The following SP1 variants were observed in gnomAD, a reference collection of about 807,000 sequenced individuals.
The protein encoded by SP1 is transcription factor Sp1.
SP1 carries 6 observed loss-of-function variants against 66.3 expected under a neutral mutation model. The ratio of observed to expected loss-of-function variants is 0.09; its 90% confidence interval spans 0.05 to 0.18. The LOEUF is 0.18. SP1 is among the 10% of genes least tolerant of loss of function. SP1 has a pLI of 1.00. For missense variants in SP1, 848 were observed against 964.5 expected (o/e 0.88, Z 1.60); for synonymous variants, 417 against 360.8 (o/e 1.16, Z -1.77).
rs1269454460 is a variant in SP1, at chr12:53,413,960, G to A, written c.*2720G>A. The A allele has an allele frequency of 6.6e-6, 1 of 152,112 alleles. No individual in the cohort carries two copies. The highest frequency in any genetic ancestry group is 2.4e-5 in the African/African-American group (1 of 41,410). The allele number at this position is 152,112 out of a possible 1,614,324, so 9.4% of individuals were successfully genotyped here. A position where few individuals can be genotyped will look rare whatever the true frequency, so the allele number is the denominator to read the frequency against. ...GCCCTGTTCTCTTCACACCAAGGAAGCTCCAGATCCAGTATCTTGTTTGGC... is the reference window on the plus strand; with the variant it reads ...GCCCTGTTCTCTTCACACCAAGGAAACTCCAGATCCAGTATCTTGTTTGGC... On this transcript the variant is annotated 3_prime_UTR_variant, in exon 6 of 6. Coordinates refer to ENST00000327443, the MANE Select transcript of SP1 (RefSeq NM_138473.3).
At chr12:53,384,094 C>A (rs546466060) in intron 3 of SP1, among the ~76,000 whole-genome samples, 3 of 149,348 alleles carry the variant, frequency 2.0e-5, no homozygotes, top group Non-Finnish European at 4.5e-5. Context: ...CTCAGCCTCC[C>A]GAGTGGCTGG....
At chr12:53,402,091 TA>T (rs1450558655) in intron 3 of SP1, among the ~76,000 whole-genome samples, 2 of 152,180 alleles carry the variant, frequency 1.3e-5, no homozygotes, top group Non-Finnish European at 2.9e-5. Flanking sequence ...GACTCATATC[TA>T]AGTTTCTCCT....
intron 3 of SP1, among the ~76,000 whole-genome samples, chr12:53,398,051 T>TA (rs1938529062): frequency 6.6e-6 from 1 of 152,206 alleles, no homozygotes; most frequent in Admixed American, 6.6e-5. Flanking sequence ...AGTAGAAAAT[T>TA]AAACTATTTT....
rs201687758 is a variant in SP1 at position 53,382,985 on chromosome 12, A to T, written c.1038A>T (p.Ser346=). ...MGIMNFTTSG[S]SGTNSQGQTP... is the part of the protein sequence containing the mutation. ...TTATGAACTTTACTACCAGTGGATC[A>T]TCAGGGACCAACTCTCAAGGCCAGA... Residue 346 remains serine (S), a synonymous_variant, in exon 3 of 6, where the codon TCA becomes TCT. Coordinates refer to ENST00000327443, the MANE Select transcript of SP1 (RefSeq NM_138473.3). 161 of 1,614,098 alleles carry T rather than the reference A, an allele frequency of 1.0e-4. No individual in the cohort carries two copies. The highest frequency in any genetic ancestry group is 6.6e-5 in the South Asian group (6 of 91,090).
At position 53,415,852 on chromosome 12, in the gene SP1, A is replaced by G. The variant is rs1400642351; in HGVS notation, c.*4612A>G. ...ACATTGTGGACAAGGGCAGGTCTTC[A>G]TATTTTTGATCATCCCTTTCTCCCA... On this transcript the variant is annotated 3_prime_UTR_variant, in exon 6 of 6. Coordinates refer to ENST00000327443, the MANE Select transcript of SP1 (RefSeq NM_138473.3). 7 of 152,508 alleles carry G rather than the reference A, an allele frequency of 4.6e-5. No homozygotes were observed. Among genetic ancestry groups the G allele is most frequent in the Non-Finnish European group, 7.4e-5 (5 of 68,026 alleles). 9.4% of individuals were successfully genotyped at this position (152,508 alleles called of 1,614,324 possible).
In SP1 at chr12:53,413,078, A is replaced by G. The variant is rs1938928649; in HGVS notation, c.*1838A>G. On this transcript the variant is annotated 3_prime_UTR_variant, in exon 6 of 6. Coordinates refer to ENST00000327443, the MANE Select transcript of SP1 (RefSeq NM_138473.3). ...CAAGTGTTTTTGTATGTGTGGGTGAATGTGTGTTCATGCCCGTATATGTCT... is the reference window on the plus strand; with the variant it reads ...CAAGTGTTTTTGTATGTGTGGGTGAGTGTGTGTTCATGCCCGTATATGTCT... 6.6e-6 allele frequency: 1 copy of G among 152,538 alleles called. No homozygotes were observed. The highest frequency in any genetic ancestry group is 6.6e-5 in the Admixed American group (1 of 15,254). 9.4% of individuals were successfully genotyped at this position (152,538 alleles called of 1,614,324 possible).
rs544779733 is a variant in SP1 at position 53,412,173 on chromosome 12, C to G, written c.*933C>G. The G allele has an allele frequency of 1.3e-5, 2 of 152,416 alleles. No individual in the cohort carries two copies. Among genetic ancestry groups the G allele is most frequent in the African/African-American group, 2.4e-5 (1 of 41,556 alleles). 9.4% of individuals were successfully genotyped at this position (152,416 alleles called of 1,614,324 possible). A position where few individuals can be genotyped will look rare whatever the true frequency, so the allele number is the denominator to read the frequency against. Reference sequence around the variant, plus strand: ...TGGCGCTGGAGAGTCAAAGGCATCTCCCTTCATTAGCTGCTCTGAGCATCA... The same window carrying G: ...TGGCGCTGGAGAGTCAAAGGCATCTGCCTTCATTAGCTGCTCTGAGCATCA... On this transcript the variant is annotated 3_prime_UTR_variant, in exon 6 of 6. Coordinates refer to ENST00000327443, the MANE Select transcript of SP1 (RefSeq NM_138473.3).
chr12:53,381,202 C>T (rs1050678730), intron 1 of SP1: 1 of 152,942 alleles, frequency 6.5e-6, no homozygotes, highest in Non-Finnish European at 1.5e-5. Context: ...ATCTGCCTGC[C>T]TCCGCCTCCC....
At chr12:53,381,383 C>T (rs983525196) in intron 1 of SP1, 5 of 270,308 alleles carry the variant, frequency 1.8e-5, no homozygotes, top group African/African-American at 4.4e-5. Flanking sequence ...CCATGCCTAC[C>T]GTCCTTCACA....
intron 3 of SP1, among the ~76,000 whole-genome samples, chr12:53,392,676 G>A (rs1251305473): frequency 2.0e-5 from 3 of 150,734 alleles, no homozygotes; most frequent in East Asian, 2.0e-4. Context: ...TGTATATTTA[G>A]TAGAGATGGG....
chr12:53,394,086 A>G (rs1265444037), intron 3 of SP1, among the ~76,000 whole-genome samples: 10 of 151,924 alleles, frequency 6.6e-5, no homozygotes, highest in Admixed American at 6.6e-4. Context: ...GTGGTGATGC[A>G]TGCCTGTAAT....
intron 3 of SP1, among the ~76,000 whole-genome samples, chr12:53,390,436 A>T (rs936246202): frequency 6.6e-6 from 1 of 152,168 alleles, no homozygotes; most frequent in South Asian, 2.1e-4. Context: ...TAATCCCAGC[A>T]CTTTGGGAGG....
chr12:53,397,384 T>G (rs1212835133), intron 3 of SP1, among the ~76,000 whole-genome samples: 2 of 151,848 alleles, frequency 1.3e-5, no homozygotes, highest in Non-Finnish European at 2.9e-5. Flanking sequence ...CATCTCATCC[T>G]CCGCTCAAAA....
In SP1 at chr12:53,394,607, C is replaced by CTTT. The variant is rs71443299; in HGVS notation, c.1675+11008_1675+11010dup. On this transcript the variant is annotated intron_variant, in intron 3 of 5. Coordinates refer to ENST00000327443, the MANE Select transcript of SP1 (RefSeq NM_138473.3). Reference sequence around the variant, plus strand: ...TCTTTTTTTTTTTTGGAGATAAGGTCTTTTTTTTTTTTTTTTTTTTTTTTT... The same window carrying CTTT: ...TCTTTTTTTTTTTTGGAGATAAGGTCTTTTTTTTTTTTTTTTTTTTTTTTTTTT... 3.1e-3 allele frequency among the ~76,000 whole-genome samples: 180 copies of CTTT among 58,166 alleles called. 5 individuals carry two copies. The highest frequency in any genetic ancestry group is 6.6e-3 in the African/African-American group (82 of 12,468). The allele number at this position is 58,166 out of a possible 152,430, so 38.2% of individuals were successfully genotyped here. A position where few individuals can be genotyped will look rare whatever the true frequency, so the allele number is the denominator to read the frequency against.
chr12:53,382,373 C>G lies in SP1; in HGVS notation c.426C>G (p.Val142=), dbSNP rs1938123607. ...GTGAGTCTTCCAAGAATCGCACAGTCTCTGGTGGGCAGTATGTTGTGGCTG... is the reference window on the plus strand; with the variant it reads ...GTGAGTCTTCCAAGAATCGCACAGTGTCTGGTGGGCAGTATGTTGTGGCTG... ...NGSESSKNRT[V]SGGQYVVAAA... Residue 142 remains valine, a synonymous_variant, in exon 3 of 6, where the codon GTC becomes GTG. Transcript: ENST00000327443. 1.2e-6 allele frequency: 2 copies of G among 1,614,088 alleles called. No individual in the cohort carries two copies. Among genetic ancestry groups the G allele is most frequent in the African/African-American group, 2.7e-5 (2 of 74,926 alleles).
chr12:53,406,498 A>G (rs1425844437), intron 3 of SP1, 87 bp from the exon 4 acceptor site: 12 of 1,137,288 alleles, frequency 1.1e-5, no homozygotes, highest in Non-Finnish European at 1.5e-5. Context: ...GTTCAAAAGA[A>G]ATGATGTTGT....
In SP1 at chr12:53,383,386, A is replaced by C; in HGVS notation, c.1439A>C (p.Gln480Pro). Residue 480 changes from glutamine to proline, a missense_variant, in exon 3 of 6, where the codon CAA becomes CCA. This residue lies in a region of SP1 where 606 missense variants were observed against 589.9 expected (regional missense o/e 1.03). Coordinates refer to ENST00000327443, the MANE Select transcript of SP1 (RefSeq NM_138473.3). ...QNLQVQNPQAQTITLAPMQGV... is the reference protein window; with the variant it reads ...QNLQVQNPQAPTITLAPMQGV... ...CTCCAAGTTCAGAACCCACAAGCCC[A>C]AACAATCACCTTAGCCCCAATGCAG... 6.2e-7 allele frequency: 1 copy of C among 1,614,212 alleles called. No individual in the cohort carries two copies. Among genetic ancestry groups the C allele is most frequent in the Non-Finnish European group, 8.5e-7 (1 of 1,180,032 alleles).
At chr12:53,384,507 A>G (rs1326021621) in intron 3 of SP1, among the ~76,000 whole-genome samples, 1 of 142,716 alleles carries the variant, frequency 7.0e-6, no homozygotes, top group Non-Finnish European at 1.5e-5. Flanking sequence ...CTGGTCTCGA[A>G]CTCCTGACCT....
intron 3 of SP1, among the ~76,000 whole-genome samples, chr12:53,396,899 G>A (rs1041261856): frequency 6.6e-6 from 1 of 152,084 alleles, no homozygotes; most frequent in Non-Finnish European, 1.5e-5. Context: ...AGAGTGCTGG[G>A]ATTACAGGTG....
Sources: gnomAD v4.1 joint callset for allele counts (sites outside exome capture counted in the v4.1 genomes callset) on GRCh38, gnomAD v4.1.1 for gene constraint, gnomAD v4.1.1 regional missense constraint, MANE v1.5 for transcripts, NCBI Gene and HGNC (gene_info 2026-07-23, HGNC 2026-07-21) for gene names.